Variants in SIPA1L2 observed in about 807,000 individuals in gnomAD.
The protein encoded by SIPA1L2 is signal induced proliferation associated 1 like 2.
Under a neutral mutation model 163.9 loss-of-function variants are expected in SIPA1L2, and 56 were observed. The observed-to-expected ratio is 0.34, with a 90% CI of 0.28 to 0.43. SIPA1L2 has a LOEUF of 0.43. Among genes scored for constraint, SIPA1L2 ranks in the 20% least tolerant of loss-of-function variants. SIPA1L2 has a pLI of 1.00. For missense variants in SIPA1L2, 1,974 were observed against 2,193.5 expected, an observed-to-expected ratio of 0.90 and a Z score of 2.00; for synonymous variants, 877 against 865.7, an observed-to-expected ratio of 1.01 and a Z score of -0.23.
In SIPA1L2 at chr1:232,487,406, G is replaced by A. The variant is rs188806801; in HGVS notation, c.1807-3440C>T. The stretch of plus-strand genomic sequence containing the variant: ...CATTTATTTAGACCTGCTTGACTTC[G>A]GTTGAAACAAATCTGATATTTGAGT... On this transcript the variant is annotated intron_variant, in intron 5 of 22. Transcript: ENST00000674635. 3.9e-5 allele frequency among the ~76,000 whole-genome samples: 6 copies of A among 152,198 alleles called. No individual in the cohort carries two copies. In the East Asian group the frequency reaches 9.7e-4, roughly 25 times the overall value.
In SIPA1L2 at chr1:232,460,922, G is replaced by T. The variant is rs772018587; in HGVS notation, c.3060C>A (p.Val1020=). 1 of 1,614,154 alleles carries T rather than the reference G, an allele frequency of 6.2e-7. No individual in the cohort carries two copies. Among genetic ancestry groups the T allele is most frequent in the Non-Finnish European group, 8.5e-7 (1 of 1,180,010 alleles). The change falls in exon 10 of 23, where the codon GTC becomes GTA. Residue 1020 remains valine, a synonymous_variant. Transcript: ENST00000674635. The part of the protein sequence containing the change: ...LLRTSVTVKV[V]IIQPHDDGSP... Reference sequence around the variant, plus strand: ...AGCCGTCATCATGGGGCTGGATGATGACCACCTTCACAGTCACAGAAGTAC... The same window carrying T: ...AGCCGTCATCATGGGGCTGGATGATTACCACCTTCACAGTCACAGAAGTAC...
Position 232,515,412 on chromosome 1 carries a change from G to T in SIPA1L2, c.-73C>A. The T allele has an allele frequency of 7.0e-7, 1 of 1,434,424 alleles. No homozygotes were observed. Among genetic ancestry groups the T allele is most frequent in the Non-Finnish European group, 9.3e-7 (1 of 1,074,200 alleles). 88.9% of individuals were successfully genotyped at this position (1,434,424 alleles called of 1,614,324 possible). ...ATCTAATTACATTGCTACCGACCAC[G>T]CCATAATACTTGCAGATATAAAGGC... On this transcript the variant is annotated 5_prime_UTR_variant, in exon 3 of 23. Transcript: ENST00000674635.
chr1:232,569,588 GA>G (rs1450920895), intron 2 of SIPA1L2, among the ~76,000 whole-genome samples: 2 of 152,176 alleles, frequency 1.3e-5, no homozygotes, highest in Admixed American at 1.3e-4. Context: ...TGAGGCAGGC[GA>G]ATCACCCGAG....
intron 1 of SIPA1L2, among the ~76,000 whole-genome samples, chr1:232,617,518 T>C (rs896043654): frequency 2.0e-5 from 3 of 152,174 alleles, no homozygotes; most frequent in South Asian, 2.1e-4. Context: ...ATATAAAGTA[T>C]ACAACAAAGT....
At chr1:232,519,566 A>G (rs914286248) in intron 2 of SIPA1L2, among the ~76,000 whole-genome samples, 2 of 152,190 alleles carry the variant, frequency 1.3e-5, no homozygotes, top group African/African-American at 4.8e-5. Context: ...CTTCGTGAGC[A>G]GCTGTGAATC....
intron 2 of SIPA1L2, among the ~76,000 whole-genome samples, chr1:232,533,360 T>C (rs1302398764): frequency 6.6e-6 from 1 of 152,234 alleles, no homozygotes; most frequent in Non-Finnish European, 1.5e-5. Flanking sequence ...AGTCACCCTA[T>C]ACTTCCTTCC....
intron 2 of SIPA1L2, among the ~76,000 whole-genome samples, chr1:232,538,391 T>C (rs995342535): frequency 2.6e-5 from 4 of 152,144 alleles, no homozygotes; most frequent in Admixed American, 6.6e-5. Context: ...GCAGGGGTTA[T>C]ACCTCCAGAA....
intron 3 of SIPA1L2, among the ~76,000 whole-genome samples, chr1:232,503,924 C>T (rs12739232): frequency 6.6e-6 from 1 of 152,174 alleles, no homozygotes; most frequent in Non-Finnish European, 1.5e-5. Flanking sequence ...GGCATAGTGG[C>T]TCCGGCCTAT....
intron 2 of SIPA1L2, among the ~76,000 whole-genome samples, chr1:232,519,540 C>T (rs1667368941): frequency 6.6e-6 from 1 of 152,172 alleles, no homozygotes; most frequent in African/African-American, 2.4e-5. Flanking sequence ...AAGCGAGGGC[C>T]CACACATGCC....
At chr1:232,459,270 G>A (rs975342988) in intron 10 of SIPA1L2, among the ~76,000 whole-genome samples, 1 of 152,178 alleles carries the variant, frequency 6.6e-6, no homozygotes, top group African/African-American at 2.4e-5. Context: ...TTGCACTACA[G>A]TTCATGTACG....
At chr1:232,498,645 G>A (rs192609957) in intron 3 of SIPA1L2, among the ~76,000 whole-genome samples, 40 of 152,196 alleles carry the variant, frequency 2.6e-4, no homozygotes, top group African/African-American at 9.2e-4. Flanking sequence ...TTGGCTCATG[G>A]CCCTTCCTCC....
intron 2 of SIPA1L2, among the ~76,000 whole-genome samples, chr1:232,540,307 A>C (rs939777548): frequency 6.6e-6 from 1 of 152,162 alleles, no homozygotes; most frequent in Admixed American, 6.5e-5. Context: ...TCCATCTCAA[A>C]ACAACAGCAA....
intron 3 of SIPA1L2, among the ~76,000 whole-genome samples, chr1:232,509,045 T>C (rs1250737414): frequency 6.6e-6 from 1 of 152,210 alleles, no homozygotes; most frequent in Admixed American, 6.5e-5. Flanking sequence ...TGAGCCAAGA[T>C]TGCGCCACTG....
intron 2 of SIPA1L2, among the ~76,000 whole-genome samples, chr1:232,551,534 G>A (rs887960031): frequency 2.0e-5 from 3 of 152,226 alleles, no homozygotes; most frequent in East Asian, 1.9e-4. Context: ...AACTGACAAA[G>A]CAGTAGTACT....
chr1:232,420,533 G>A (rs1661511421), intron 18 of SIPA1L2, among the ~76,000 whole-genome samples: 1 of 151,996 alleles, frequency 6.6e-6, no homozygotes, highest in Non-Finnish European at 1.5e-5. Context: ...CAACTCTTCT[G>A]GCCAATTAAG....
chr1:232,595,555 C>G lies in SIPA1L2; in HGVS notation c.-318-21333G>C, dbSNP rs1008476764. 7.9e-5 allele frequency among the ~76,000 whole-genome samples: 12 copies of G among 151,152 alleles called. No homozygotes were observed. In the South Asian group the frequency reaches 8.8e-4, roughly 11 times the overall value. On this transcript the variant is annotated intron_variant, in intron 1 of 22. Transcript: ENST00000674635. ...AAGGCCAGGGGTCCGGACGTTCCCCCCAGCACACTAATCTCATTCCACCCG... is the reference window on the plus strand; with the variant it reads ...AAGGCCAGGGGTCCGGACGTTCCCCGCAGCACACTAATCTCATTCCACCCG...
intron 1 of SIPA1L2, among the ~76,000 whole-genome samples, chr1:232,624,587 C>G (rs1662981639): frequency 6.6e-6 from 1 of 152,202 alleles, no homozygotes; most frequent in Admixed American, 6.5e-5. Context: ...TTAACACTGG[C>G]TCTTTACCTA....
chr1:232,590,096 A>G (rs148160182), intron 1 of SIPA1L2, among the ~76,000 whole-genome samples: 111 of 152,198 alleles, frequency 7.3e-4, no homozygotes, highest in Admixed American at 3.6e-3. Flanking sequence ...CAATCCGGGA[A>G]TTCCATCTCT....
intron 1 of SIPA1L2, among the ~76,000 whole-genome samples, chr1:232,596,540 T>C (rs913464093): frequency 6.6e-6 from 1 of 152,252 alleles, no homozygotes; most frequent in Admixed American, 6.5e-5. Flanking sequence ...TAGAATTGCT[T>C]ACAGAAAAAT....
Sources: allele counts gnomAD v4.1 joint callset (sites outside exome capture counted in the v4.1 genomes callset), GRCh38; gene constraint gnomAD v4.1.1; transcripts MANE v1.5; gene names NCBI Gene and HGNC (gene_info 2026-07-23, HGNC 2026-07-21).